RBFOX1: variants seen among roughly 807,000 people sequenced by gnomAD.
RBFOX1 encodes RNA binding fox-1 homolog 1.
Under a neutral mutation model 57.7 loss-of-function variants are expected in RBFOX1, and 8 were observed. That is an observed-to-expected ratio of 0.14 (90% CI 0.08 to 0.25). The LOEUF is 0.25. RBFOX1 is among the 10% of genes least tolerant of loss of function. RBFOX1 has a pLI of 1.00. For synonymous variants in RBFOX1, 326 were observed against 222.4 expected (o/e 1.47, Z -4.15); for missense variants, 611 against 548.5 (o/e 1.11, Z -1.14).
intron 1 of RBFOX1, among the ~76,000 whole-genome samples, chr16:6,307,523 TATA>T (rs1158572944): frequency 9.9e-5 from 14 of 141,182 alleles, no homozygotes; most frequent in Non-Finnish European, 1.7e-4. Context: ...ATAGTCATTA[TATA>T]ATATCATTTA....
At chr16:7,686,929 C>T (rs865782921) in intron 14 of RBFOX1, among the ~76,000 whole-genome samples, 6 of 152,116 alleles carry the variant, frequency 3.9e-5, no homozygotes, top group African/African-American at 1.2e-4. Context: ...AAACTCAGAT[C>T]TTTTTTTGGT....
intron 3 of RBFOX1, among the ~76,000 whole-genome samples, chr16:5,681,479 C>A (rs1017188611): frequency 3.3e-5 from 5 of 151,064 alleles, no homozygotes; most frequent in African/African-American, 1.2e-4. Context: ...ACCTCCCCAT[C>A]CCCGGTTCAA....
intron 4 of RBFOX1, among the ~76,000 whole-genome samples, chr16:5,895,491 T>C (rs1348307239): frequency 1.3e-5 from 2 of 152,220 alleles, no homozygotes; most frequent in African/African-American, 2.4e-5. Context: ...GAAATACCAG[T>C]GCCAGAGGAC....
chr16:7,584,762 T>C (rs2094003801), intron 6 of RBFOX1, among the ~76,000 whole-genome samples: 1 of 152,234 alleles, frequency 6.6e-6, no homozygotes, highest in African/African-American at 2.4e-5. Flanking sequence ...GTAGCGAACT[T>C]CCCAATTAAA....
rs540891691 is a variant in RBFOX1 at position 5,855,261 on chromosome 16, T to C, written c.319-12042T>C. ...TACTTGTTCATTTTTGCTTTTGTTA[T>C]CTGTGTTTTTGGTGTTATATTAAAA... On this transcript the variant is annotated intron_variant, in intron 3 of 19. Transcript: ENST00000641259. 2.6e-5 allele frequency among the ~76,000 whole-genome samples: 4 copies of C among 152,336 alleles called. No individual in the cohort carries two copies. In the South Asian group the frequency reaches 8.3e-4, roughly 32 times the overall value.
intron 4 of RBFOX1, among the ~76,000 whole-genome samples, chr16:7,165,933 T>TACAC (rs889669390): frequency 0.23 from 32,767 of 142,836 alleles, 4,265 homozygotes; most frequent in East Asian, 0.5. Flanking sequence ...CGCATGCACA[T>TACAC]ACACACACAC....
At chr16:7,197,263 G>A (rs2086941830) in intron 4 of RBFOX1, among the ~76,000 whole-genome samples, 1 of 152,040 alleles carries the variant, frequency 6.6e-6, no homozygotes, top group African/African-American at 2.4e-5. Flanking sequence ...GAAAACTGTG[G>A]CTCTGAGCAG....
At chr16:7,665,110 G>A in intron 13 of RBFOX1, 142 bp downstream of exon 13, 2 of 1,521,120 alleles carry the variant, frequency 1.3e-6, no homozygotes, top group Non-Finnish European at 1.8e-6. Flanking sequence ...TTGTCTTGCA[G>A]GACAGAAAGC....
chr16:6,956,297 G>C (rs1304298029), intron 3 of RBFOX1, among the ~76,000 whole-genome samples: 2 of 152,180 alleles, frequency 1.3e-5, no homozygotes, highest in African/African-American at 2.4e-5. Flanking sequence ...AGAGAGTCTT[G>C]CTAAGGAATC....
chr16:6,959,989 C>A (rs1255027803), intron 3 of RBFOX1, among the ~76,000 whole-genome samples: 6 of 152,074 alleles, frequency 3.9e-5, no homozygotes, highest in African/African-American at 1.4e-4. Flanking sequence ...TAAACAAAGG[C>A]TGAAATGTAA....
chr16:6,053,576 G>A (rs146706596), intron 1 of RBFOX1, among the ~76,000 whole-genome samples: 16 of 152,312 alleles, frequency 1.1e-4, no homozygotes, highest in African/African-American at 3.8e-4. Flanking sequence ...ATTAGTCACA[G>A]TTTTATCTAA....
chr16:7,463,987 A>C (rs1474391224), intron 4 of RBFOX1, among the ~76,000 whole-genome samples: 1 of 152,200 alleles, frequency 6.6e-6, no homozygotes, highest in African/African-American at 2.4e-5. Flanking sequence ...ACTCAGAAGG[A>C]AAGTGTGAAG....
intron 4 of RBFOX1, among the ~76,000 whole-genome samples, chr16:6,003,185 A>G (rs2152331138): frequency 6.6e-6 from 1 of 151,040 alleles, no homozygotes; most frequent in African/African-American, 2.4e-5. Context: ...AAGCTGACGC[A>G]GGAGAATGGC....
chr16:6,739,951 A>G (rs1194031313), intron 3 of RBFOX1, among the ~76,000 whole-genome samples: 3 of 152,212 alleles, frequency 2.0e-5, no homozygotes, highest in African/African-American at 7.2e-5. Context: ...AACTGGACAA[A>G]GAAAGTAACA....
chr16:7,202,065 G>A (rs1011905358), intron 4 of RBFOX1, among the ~76,000 whole-genome samples: 20 of 151,982 alleles, frequency 1.3e-4, no homozygotes, highest in African/African-American at 4.1e-4. Context: ...TCCTAGAGCC[G>A]CTTAACTGTC....
At chr16:6,859,479 C>G (rs895463340) in intron 3 of RBFOX1, among the ~76,000 whole-genome samples, 1 of 151,958 alleles carries the variant, frequency 6.6e-6, no homozygotes, top group Non-Finnish European at 1.5e-5. Context: ...GTTGCTCACT[C>G]TTGTTCAAGT....
In RBFOX1 at chr16:6,816,273, C is replaced by T. The variant is rs368875679; in HGVS notation, c.-16+161623C>T. Among the ~76,000 whole-genome samples the T allele has an allele frequency of 5.3e-5, 8 of 152,286 alleles. No homozygotes were observed. In the South Asian group the frequency reaches 1.2e-3, roughly 24 times the overall value. ...GTAGTAAGCTATGATCACACTATTG[C>T]ACTCGCACTTGAGCCACAGGGTAAG... On this transcript the variant is annotated intron_variant, in intron 3 of 15. Transcript: ENST00000550418.
intron 5 of RBFOX1, among the ~76,000 whole-genome samples, chr16:7,564,567 AAG>A (rs2091241491): frequency 6.6e-6 from 1 of 150,566 alleles, no homozygotes. Flanking sequence ...AAAAAAAAAA[AAG>A]GCACTCATCT....
intron 3 of RBFOX1, among the ~76,000 whole-genome samples, chr16:5,863,268 G>T (rs1044299867): frequency 6.6e-6 from 1 of 152,220 alleles, no homozygotes; most frequent in Non-Finnish European, 1.5e-5. Flanking sequence ...ATGGGAAATA[G>T]CTGGAACAAA....
Sources: allele counts gnomAD v4.1 joint callset (sites outside exome capture counted in the v4.1 genomes callset), GRCh38; gene constraint gnomAD v4.1.1; transcripts MANE v1.5; gene names NCBI Gene and HGNC (gene_info 2026-07-23, HGNC 2026-07-21).